AGAP1: variants seen among roughly 807,000 people sequenced by gnomAD.
AGAP1 encodes arf-GAP with GTPase, ANK repeat and PH domain-containing protein 1.
AGAP1 carries 29 observed loss-of-function variants against 105.3 expected under a neutral mutation model. That is an observed-to-expected ratio of 0.28 (90% CI 0.21 to 0.38). The LOEUF (loss-of-function observed/expected upper bound fraction) is 0.38, where lower values mean the gene tolerates loss of function less well. Among genes scored for constraint, AGAP1 ranks in the 10% least tolerant of loss-of-function variants. AGAP1 has a pLI of 1.00. For missense variants in AGAP1, 998 were observed against 1,165.1 expected (o/e 0.86, Z 2.09); for synonymous variants, 509 against 485.9 (o/e 1.05, Z -0.63).
In AGAP1 at chr2:235,843,669, GT is replaced by G. The variant is rs145964269; in HGVS notation, c.1050+36342del. On this transcript the variant is annotated intron_variant, in intron 9 of 17. Transcript: ENST00000304032. This position sits in a 1 kb window ranked among gnomAD's most constrained non-coding sequence, Gnocchi z 5.9. ...CCTCCGCCCTGCATCTGAGATCTCT[GT>G]TTTAAGGCCAGCTCTCCCTAGATGT... is the stretch of plus-strand genomic sequence containing the variant. Among the ~76,000 whole-genome samples the G allele has an allele frequency of 2.0e-3, 300 of 152,232 alleles. 2 individuals carry two copies. Among genetic ancestry groups the G allele is most frequent in the East Asian group, 0.015 (79 of 5,150 alleles).
rs538836346 is a variant in AGAP1 at position 236,009,392 on chromosome 2, G to A, written c.1646-27169G>A. Among the ~76,000 whole-genome samples the A allele has an allele frequency of 1.4e-4, 22 of 152,148 alleles. No homozygotes were observed. The highest frequency in any genetic ancestry group is 1.8e-4 in the Non-Finnish European group (12 of 68,028). ...CTCACACCTGCCGAGGTTCCTGGGG[G>A]ATGATCTTTGTGTAAAGGATCCTGG... On this transcript the variant is annotated intron_variant, in intron 13 of 17. Transcript: ENST00000304032. The surrounding 1 kb of genome is among the most constrained non-coding windows in gnomAD (Gnocchi z 4.2).
chr2:235,896,080 ACT>A (rs1469445107), intron 10 of AGAP1, among the ~76,000 whole-genome samples: 7 of 152,078 alleles, frequency 4.6e-5, no homozygotes, highest in African/African-American at 7.2e-5. Context: ...TACAAAACAA[ACT>A]CTACGCATAA....
chr2:235,911,209 G>A (rs1037412967), intron 11 of AGAP1, among the ~76,000 whole-genome samples: 16 of 152,146 alleles, frequency 1.1e-4, no homozygotes, highest in Non-Finnish European at 1.9e-4. Context: ...CATTTGTGGA[G>A]TTTCTAACGT....
At chr2:235,778,222 T>C (rs1282531833) in intron 6 of AGAP1, among the ~76,000 whole-genome samples, 2 of 152,184 alleles carry the variant, frequency 1.3e-5, no homozygotes, top group African/African-American at 4.8e-5. Flanking sequence ...TTGGTTCATG[T>C]ACCTTGTACG....
rs1276333884 is a variant in AGAP1, at chr2:235,958,115, A to T, written c.1484-10347A>T. On this transcript the variant is annotated intron_variant, in intron 12 of 17. Transcript: ENST00000304032. The surrounding 1 kb of genome is among the most constrained non-coding windows in gnomAD (Gnocchi z 4.1). Reference sequence around the variant, plus strand: ...ATGAACATGTTTTAAAGCATTTTGTATCTTTAATCAACATGTAGAAAATGA... The same window carrying T: ...ATGAACATGTTTTAAAGCATTTTGTTTCTTTAATCAACATGTAGAAAATGA... Among the ~76,000 whole-genome samples, 5 of 152,040 alleles carry T rather than the reference A, an allele frequency of 3.3e-5. No homozygotes were observed. In the East Asian group the frequency reaches 9.7e-4, roughly 29 times the overall value.
chr2:235,785,299 C>T (rs1232678412), intron 6 of AGAP1, among the ~76,000 whole-genome samples: 1 of 152,056 alleles, frequency 6.6e-6, no homozygotes, highest in Non-Finnish European at 1.5e-5. Context: ...TTCTAAACTC[C>T]TTCTTCTGTT....
At chr2:235,818,512 A>G (rs141713765) in intron 9 of AGAP1, among the ~76,000 whole-genome samples, 313 of 152,242 alleles carry the variant, frequency 2.1e-3, no homozygotes, top group African/African-American at 7.2e-3. Flanking sequence ...GCATGATCTC[A>G]GCTCACTGCA....
intron 13 of AGAP1, among the ~76,000 whole-genome samples, chr2:235,987,105 A>T (rs964137506): frequency 5.1e-5 from 6 of 116,728 alleles, no homozygotes; most frequent in African/African-American, 1.8e-4. Context: ...TGGGCTTTTT[A>T]TTGTTATTTA....
intron 15 of AGAP1, among the ~76,000 whole-genome samples, chr2:236,041,115 C>T (rs758700045): frequency 1.1e-4 from 16 of 152,132 alleles, no homozygotes; most frequent in Non-Finnish European, 2.1e-4. Context: ...AAGGATTCAA[C>T]CCCACACCCA....
intron 9 of AGAP1, chr2:235,852,653 G>GAAGAATTTTTTTTA: frequency 7.0e-7 from 1 of 1,432,220 alleles, no homozygotes; most frequent in Non-Finnish European, 9.2e-7. Context: ...AAGCAGTTGT[G>GAAGAATTTTTTTTA]AAGAATTTTT....
chr2:235,502,566 TG>T (rs558209356), intron 1 of AGAP1, among the ~76,000 whole-genome samples: 8 of 152,242 alleles, frequency 5.3e-5, no homozygotes, highest in Non-Finnish European at 1.0e-4. Flanking sequence ...CGCTGTTTGA[TG>T]GGGATTGTCT....
At chr2:236,049,678 C>T (rs1262303243) in intron 16 of AGAP1, 1 of 155,950 alleles carries the variant, frequency 6.4e-6, no homozygotes, top group African/African-American at 2.4e-5. Context: ...TCGATCCCCC[C>T]CCCGCACCAT....
rs1179664313 is a variant in AGAP1 at position 235,973,149 on chromosome 2, A to G, written c.1645+4526A>G. Among the ~76,000 whole-genome samples, 1 of 152,178 alleles carries G rather than the reference A, an allele frequency of 6.6e-6. No homozygotes were observed. Among genetic ancestry groups the G allele is most frequent in the Non-Finnish European group, 1.5e-5 (1 of 68,042 alleles). The stretch of plus-strand genomic sequence containing the variant: ...GGGGCTGTCAGGGTGACCGATGGAA[A>G]TTGGGCCGTTCCTGCCCTGGAGTTT... On this transcript the variant is annotated intron_variant, in intron 13 of 17. Transcript: ENST00000304032. This position sits in a 1 kb window ranked among gnomAD's most constrained non-coding sequence, Gnocchi z 4.7.
rs866781539 is a variant in AGAP1, at chr2:235,908,048, A to G, written c.1156-690A>G. ...CCAGCAGGCCCATCCCCCGGCTCTC[A>G]GTTGCTTGTTCACCTTCCCCGTTCC... is the stretch of plus-strand genomic sequence containing the variant. On this transcript the variant is annotated intron_variant, in intron 10 of 17. Transcript: ENST00000304032. The surrounding 1 kb of genome is among the most constrained non-coding windows in gnomAD (Gnocchi z 4.4). 2.6e-4 allele frequency among the ~76,000 whole-genome samples: 39 copies of G among 152,304 alleles called. No individual in the cohort carries two copies. Among genetic ancestry groups the G allele is most frequent in the African/African-American group, 7.9e-4 (33 of 41,560 alleles).
At chr2:235,628,548 T>C (rs773866767) in intron 1 of AGAP1, among the ~76,000 whole-genome samples, 4 of 152,010 alleles carry the variant, frequency 2.6e-5, no homozygotes, top group Non-Finnish European at 4.4e-5. Flanking sequence ...GCCCAGGGTA[T>C]CTTTGGGGGA....
At chr2:235,681,051 CAG>C (rs1949041258) in intron 1 of AGAP1, among the ~76,000 whole-genome samples, 1 of 152,178 alleles carries the variant, frequency 6.6e-6, no homozygotes, top group African/African-American at 2.4e-5. Flanking sequence ...CTCTGTCGCC[CAG>C]GCTGGAGTGC....
chr2:235,533,731 C>A (rs1053090080), intron 1 of AGAP1, among the ~76,000 whole-genome samples: 2 of 152,196 alleles, frequency 1.3e-5, no homozygotes, highest in Non-Finnish European at 2.9e-5. Context: ...GGGATTTTCT[C>A]ATGTGTGAGG....
rs138595308 is a variant in AGAP1, at chr2:235,623,357, CA to C, written c.164-85819del. ...CTTTGCCTCGTTGTGTAAATATCGGCAAACCATGTTTTGGGGATGGAAAATT... is the reference window on the plus strand; with the variant it reads ...CTTTGCCTCGTTGTGTAAATATCGGCAACCATGTTTTGGGGATGGAAAATT... On this transcript the variant is annotated intron_variant, in intron 1 of 17. Coordinates refer to ENST00000304032, the MANE Select transcript of AGAP1 (RefSeq NM_001037131.3). The surrounding 1 kb of genome is among the most constrained non-coding windows in gnomAD (Gnocchi z 4.5). Among the ~76,000 whole-genome samples the C allele has an allele frequency of 7.5e-3, 1,145 of 152,326 alleles. 21 individuals are homozygous for C. Among genetic ancestry groups the C allele is most frequent in the African/African-American group, 0.026 (1,089 of 41,562 alleles).
intron 1 of AGAP1, among the ~76,000 whole-genome samples, chr2:235,672,832 C>A (rs1314226153): frequency 6.6e-6 from 1 of 152,176 alleles, no homozygotes; most frequent in Non-Finnish European, 1.5e-5. Context: ...GATAGTTCCT[C>A]TCTGGTCAAA....
Sources: allele counts gnomAD v4.1 joint callset (sites outside exome capture counted in the v4.1 genomes callset), GRCh38; gene constraint gnomAD v4.1.1; non-coding constraint Gnocchi (gnomAD v3.1); transcripts MANE v1.5; gene names NCBI Gene and HGNC (gene_info 2026-07-23, HGNC 2026-07-21).